ANKHD1: variants seen among roughly 807,000 people sequenced by gnomAD.
The protein encoded by ANKHD1 is ankyrin repeat and KH domain-containing protein 1.
In ANKHD1, 31 loss-of-function variants were observed where a neutral mutation model predicts 230.5. That is an observed-to-expected ratio of 0.13 (90% CI 0.10 to 0.18). The LOEUF is 0.18. Ranked by LOEUF, ANKHD1 falls within the 10% of genes least tolerant of loss-of-function variation. ANKHD1 has a pLI of 1.00. For missense variants in ANKHD1, 2,256 were observed against 3,071.3 expected (o/e 0.73, Z 6.27); for synonymous variants, 1,074 against 1,117.6 (o/e 0.96, Z 0.78).
chr5:140,414,021 T>C (rs1461750553), intron 1 of ANKHD1, among the ~76,000 whole-genome samples: 1 of 152,126 alleles, frequency 6.6e-6, no homozygotes, highest in African/African-American at 2.4e-5. Flanking sequence ...CCTCATGTGA[T>C]CCACTCGCCT....
At chr5:140,446,374 T>C (rs1007816797) in intron 6 of ANKHD1, among the ~76,000 whole-genome samples, 1 of 152,162 alleles carries the variant, frequency 6.6e-6, no homozygotes, top group Non-Finnish European at 1.5e-5. Flanking sequence ...AAATTTTTTG[T>C]TTTTGAGACA....
chr5:140,453,830 G>T (rs570775799), intron 7 of ANKHD1, among the ~76,000 whole-genome samples: 1 of 152,210 alleles, frequency 6.6e-6, no homozygotes. Flanking sequence ...ACCAGCTAAC[G>T]TCAAAATGAC....
intron 2 of ANKHD1, 73 bp from the exon 3 acceptor site, chr5:140,438,388 T>C: frequency 6.9e-7 from 1 of 1,444,272 alleles, no homozygotes; most frequent in Non-Finnish European, 9.2e-7. Context: ...TTTAGAAATA[T>C]AATTACAATT....
intron 33 of ANKHD1, 120 bp from the exon 34 acceptor site, chr5:140,539,239 T>C: frequency 6.5e-7 from 1 of 1,549,688 alleles, no homozygotes; most frequent in Non-Finnish European, 8.7e-7. Context: ...AACACTTTAT[T>C]TAATATATGT....
At chr5:140,470,044 G>A (rs955497640) in intron 10 of ANKHD1, among the ~76,000 whole-genome samples, 3 of 151,970 alleles carry the variant, frequency 2.0e-5, no homozygotes, top group African/African-American at 7.2e-5. Context: ...ATGTAGCCAT[G>A]TATGAAATTA....
chr5:140,449,149 C>A, intron 6 of ANKHD1, 62 bp from the exon 7 acceptor site: 1 of 1,479,914 alleles, frequency 6.8e-7, no homozygotes, highest in Non-Finnish European at 9.2e-7. Context: ...GATTCCATAC[C>A]TCAATATTTA....
intron 1 of ANKHD1, among the ~76,000 whole-genome samples, chr5:140,424,217 T>G (rs1052861533): frequency 2.6e-4 from 37 of 145,006 alleles, no homozygotes; most frequent in Middle Eastern, 6.9e-3. Flanking sequence ...ACTATATATA[T>G]ATAGAGAGAG....
Position 140,403,130 on chromosome 5 carries a change from C to T in ANKHD1, c.306+857C>T, listed in dbSNP as rs188854890. Among the ~76,000 whole-genome samples, 755 of 151,628 alleles carry T rather than the reference C, an allele frequency of 5.0e-3. 3 individuals are homozygous for T. Among genetic ancestry groups the T allele is most frequent in the Non-Finnish European group, 6.3e-3 (429 of 67,868 alleles). On this transcript the variant is annotated intron_variant, in intron 1 of 33. Transcript: ENST00000360839. ...GATTACAGGCGTGCGCCACCACGCC[C>T]GACTAATTTTGTATTTTTATTAGAT...
intron 30 of ANKHD1, chr5:140,535,767 A>T: frequency 4.0e-6 from 2 of 502,722 alleles, no homozygotes; most frequent in Non-Finnish European, 5.9e-6. Flanking sequence ...TCAAGAAAAG[A>T]GGTACTAGGC....
At chr5:140,496,438 GTTTTCTTTTTTTTTTTTCTTTTCT>G in intron 14 of ANKHD1, 58 bp from the exon 15 acceptor site, 5 of 1,159,168 alleles carry the variant, frequency 4.3e-6, no homozygotes, top group South Asian at 2.0e-5. Flanking sequence ...GGGGAGGCTG[GTTTTCTTTTTTTTTTTTCTTTTCT>G]TTTTTTTTTT....
At chr5:140,402,627 A>T (rs1405640805) in intron 1 of ANKHD1, among the ~76,000 whole-genome samples, 2 of 152,092 alleles carry the variant, frequency 1.3e-5, no homozygotes, top group African/African-American at 2.4e-5. Context: ...GAGAGAGACA[A>T]ACAGAGACAG....
rs1221252868 is a variant in ANKHD1, at chr5:140,529,360, G to A, written c.6414G>A (p.Gln2138=). 6.2e-7 allele frequency: 1 copy of A among 1,614,060 alleles called. No individual in the cohort carries two copies. The highest frequency in any genetic ancestry group is 2.2e-5 in the East Asian group (1 of 44,898). ...VPAPRVSHRM[Q]PRGSFYSMVP... ...CACCTCGAGTTTCTCATCGAATGCA[G>A]CCCAGAGGTTCTTTTTACTCCATGG... Residue 2138 remains glutamine, a synonymous_variant, in exon 29 of 34, where the codon CAG becomes CAA. Transcript: ENST00000360839.
rs1001265279 is a variant in ANKHD1 at position 140,440,015 on chromosome 5, G to A, written c.618-104G>A. 2.4e-5 allele frequency: 31 copies of A among 1,316,592 alleles called. No individual in the cohort carries two copies. In the African/African-American group the frequency reaches 4.2e-4, roughly 18 times the overall value. The allele number at this position is 1,316,592 out of a possible 1,614,324, so 81.6% of individuals were successfully genotyped here. A position where few individuals can be genotyped will look rare whatever the true frequency, so the allele number is the denominator to read the frequency against. The stretch of plus-strand genomic sequence containing the variant: ...TGTTCATATAATTTTTTCTTTTACT[G>A]CATTAACATTTTTCTTTGTGTGACT... On this transcript the variant is annotated intron_variant, in intron 3 of 33. Coordinates refer to ENST00000360839, the MANE Select transcript of ANKHD1 (RefSeq NM_017747.3).
At chr5:140,470,771 C>T (rs1012285774) in intron 10 of ANKHD1, among the ~76,000 whole-genome samples, 1 of 151,962 alleles carries the variant, frequency 6.6e-6, no homozygotes, top group Non-Finnish European at 1.5e-5. Context: ...TACGGGCACA[C>T]ACTGCCACAC....
At chr5:140,539,262 G>C in intron 33 of ANKHD1, 97 bp from the exon 34 acceptor site, 1 of 1,588,906 alleles carries the variant, frequency 6.3e-7, no homozygotes, top group Non-Finnish European at 8.6e-7. Context: ...ATTCTTCCTA[G>C]GCAGAAACAG....
chr5:140,437,428 C>T (rs748056922), intron 2 of ANKHD1, among the ~76,000 whole-genome samples: 2 of 152,182 alleles, frequency 1.3e-5, no homozygotes, highest in Admixed American at 1.3e-4. Context: ...ACTGGCTGGG[C>T]GCCATGGCTC....
intron 10 of ANKHD1, among the ~76,000 whole-genome samples, chr5:140,480,684 T>G (rs1324230926): frequency 1.3e-5 from 2 of 152,154 alleles, no homozygotes; most frequent in African/African-American, 4.8e-5. Flanking sequence ...CTTTCCTTTC[T>G]CTTATTTACC....
rs61758138 is a variant in ANKHD1 at position 140,436,224 on chromosome 5, C to G, written c.427C>G (p.Gln143Glu). 6.3e-3 allele frequency: 10,008 copies of G among 1,596,426 alleles called. 40 individuals carry two copies. Among genetic ancestry groups the G allele is most frequent in the Non-Finnish European group, 7.2e-3 (8,444 of 1,172,804 alleles). Reference protein sequence around the residue: ...ADLRTVDPETQARLEALLEAA... With the variant: ...ADLRTVDPETEARLEALLEAA... ...CTTACGCACTGTGGATCCAGAGACA[C>G]AGGCACGACTAGAAGCATTGCTAGA... Residue 143 changes from glutamine to glutamate, a missense_variant, in exon 2 of 34, where the codon CAG (glutamine) becomes GAG (glutamate). Physicochemically the swap from Gln to Glu is conservative, Grantham distance 29 (BLOSUM62 2). Transcript: ENST00000360839.
intron 1 of ANKHD1, among the ~76,000 whole-genome samples, chr5:140,430,048 C>G (rs910946531): frequency 6.6e-6 from 1 of 152,182 alleles, no homozygotes. Flanking sequence ...GCTTGTCCCC[C>G]TTCTCCCTTC....
Sources: gnomAD v4.1 joint callset for allele counts (sites outside exome capture counted in the v4.1 genomes callset) on GRCh38, gnomAD v4.1.1 for gene constraint, MANE v1.5 for transcripts, NCBI Gene and HGNC (gene_info 2026-07-23, HGNC 2026-07-21) for gene names.